The following TOX2 variants were observed in gnomAD, a reference collection of about 807,000 sequenced individuals.
The protein encoded by TOX2 is TOX high mobility group box family member 2, also known as granulosa cell HMG box 1.
A neutral mutation model predicts 47.4 loss-of-function variants in TOX2; 15 were observed. The ratio of observed to expected loss-of-function variants is 0.32; its 90% CI spans 0.21 to 0.49. The LOEUF is 0.49. TOX2 is among the 20% of genes least tolerant of loss of function. The pLI is 0.99. For missense variants in TOX2, 622 were observed against 673.1 expected, an observed-to-expected ratio of 0.92 and a Z score of 0.84; for synonymous variants, 290 against 296.6, an observed-to-expected ratio of 0.98 and a Z score of 0.23.
chr20:43,946,125 C>T (rs1401987996), intron 1 of TOX2: 5 of 1,555,726 alleles, frequency 3.2e-6, no homozygotes, highest in Admixed American at 3.6e-5. Flanking sequence ...TGGATGGGGG[C>T]AGGCAGGGAC....
chr20:43,980,776 A>G (rs185494237), intron 2 of TOX2, among the ~76,000 whole-genome samples: 2 of 152,342 alleles, frequency 1.3e-5, no homozygotes, highest in East Asian at 1.9e-4. Flanking sequence ...AGGCATTTCT[A>G]CTATTTAAAG....
At chr20:44,055,722 G>A (rs1373980658) in intron 5 of TOX2, among the ~76,000 whole-genome samples, 3 of 152,116 alleles carry the variant, frequency 2.0e-5, no homozygotes, top group African/African-American at 7.2e-5. Flanking sequence ...AGGGTCTGGA[G>A]CATCTTCCAG....
chr20:43,986,972 G>A (rs1294225769), intron 2 of TOX2, among the ~76,000 whole-genome samples: 1 of 152,130 alleles, frequency 6.6e-6, no homozygotes, highest in South Asian at 2.1e-4. Flanking sequence ...GCTAAGGTGG[G>A]ACGATCACTT....
At chr20:44,064,376 C>G (rs1285025777) in intron 5 of TOX2, among the ~76,000 whole-genome samples, 2 of 152,156 alleles carry the variant, frequency 1.3e-5, no homozygotes, top group Non-Finnish European at 2.9e-5. Flanking sequence ...TATTAGCAAA[C>G]CGAATCCAAA....
At chr20:43,951,855 A>G (rs893264473) in intron 1 of TOX2, among the ~76,000 whole-genome samples, 1 of 150,078 alleles carries the variant, frequency 6.7e-6, no homozygotes, top group African/African-American at 2.5e-5. Context: ...CTACAGGTAC[A>G]TACCACCATG....
chr20:43,933,568 G>A (rs1323113485), intron 1 of TOX2, among the ~76,000 whole-genome samples: 1 of 152,222 alleles, frequency 6.6e-6, no homozygotes, highest in Non-Finnish European at 1.5e-5. Context: ...AGCCTGAGAC[G>A]AGGGTTCTTG....
intron 1 of TOX2, among the ~76,000 whole-genome samples, chr20:43,960,890 A>AT (rs2069747067): frequency 6.6e-6 from 1 of 152,244 alleles, no homozygotes; most frequent in Non-Finnish European, 1.5e-5. Context: ...GGAACGGCCC[A>AT]GGGGCTCAGA....
In TOX2 at chr20:43,943,392, T is replaced by G. The variant is rs76571595; in HGVS notation, c.99+28402T>G. Among the ~76,000 whole-genome samples the G allele has an allele frequency of 9.8e-3, 1,493 of 152,316 alleles. 11 individuals are homozygous for G. Among genetic ancestry groups the G allele is most frequent in the Middle Eastern group, 0.017 (5 of 294 alleles). On this transcript the variant is annotated intron_variant, in intron 1 of 8. Transcript: ENST00000341197. The stretch of plus-strand genomic sequence containing the variant: ...CTGGTATCACCCAGCTTCTGCCTTT[T>G]AAAATGCCTCATTCCTTATCTGTGT...
intron 1 of TOX2, among the ~76,000 whole-genome samples, chr20:43,933,784 AGCAGCTGTGG>A (rs900012037): frequency 9.9e-5 from 15 of 152,160 alleles, no homozygotes; most frequent in South Asian, 6.2e-4. Flanking sequence ...CTCCAGAGGG[AGCAGCTGTGG>A]GCAGCTGTGG....
At chr20:44,026,431 A>G (rs968138999) in intron 3 of TOX2, among the ~76,000 whole-genome samples, 1 of 151,346 alleles carries the variant, frequency 6.6e-6, no homozygotes, top group Non-Finnish European at 1.5e-5. Flanking sequence ...GCAAAGACAT[A>G]AGAATGACTC....
intron 5 of TOX2, among the ~76,000 whole-genome samples, chr20:44,056,427 TG>T (rs1215127747): frequency 6.6e-6 from 1 of 152,130 alleles, no homozygotes; most frequent in East Asian, 1.9e-4. Context: ...TTTTGTTTGG[TG>T]GGGGGATTTC....
intron 3 of TOX2, among the ~76,000 whole-genome samples, chr20:44,037,239 C>T (rs2071255848): frequency 6.6e-6 from 1 of 152,242 alleles, no homozygotes; most frequent in Admixed American, 6.5e-5. Context: ...CAGGCATGAG[C>T]CATGGCGCCC....
At position 44,005,154 on chromosome 20, in the gene TOX2, T is replaced by A. The variant is rs76567317; in HGVS notation, c.166-1393T>A. Among the ~76,000 whole-genome samples the A allele has an allele frequency of 6.4e-3, 973 of 152,358 alleles. 10 individuals carry two copies. The highest frequency in any genetic ancestry group is 0.023 in the African/African-American group (946 of 41,594). Reference sequence around the variant, plus strand: ...TTTATATTTACCAATGCCTTTGATATGCTTCCTCTGTTCTGGAACATTCTC... The same window carrying A: ...TTTATATTTACCAATGCCTTTGATAAGCTTCCTCTGTTCTGGAACATTCTC... On this transcript the variant is annotated intron_variant, in intron 2 of 8. Coordinates refer to ENST00000341197, the MANE Select transcript of TOX2 (RefSeq NM_001098797.2).
chr20:44,043,300 A>G (rs1247569938), intron 3 of TOX2, among the ~76,000 whole-genome samples: 1 of 152,090 alleles, frequency 6.6e-6, no homozygotes, highest in African/African-American at 2.4e-5. Context: ...AAGAGCCCAT[A>G]TTGTTGTTGC....
intron 3 of TOX2, among the ~76,000 whole-genome samples, chr20:44,032,096 C>T (rs996391045): frequency 1.2e-4 from 19 of 152,048 alleles, no homozygotes; most frequent in Non-Finnish European, 2.4e-4. Flanking sequence ...GGCAGGGGAG[C>T]GGGTTGCAGT....
chr20:44,006,100 CCCTGGAAAGATCACCAGG>C (rs1440914481), intron 2 of TOX2, among the ~76,000 whole-genome samples: 1 of 152,194 alleles, frequency 6.6e-6, no homozygotes, highest in Admixed American at 6.5e-5. Context: ...GGCCTGGCTT[CCCTGGAAAGATCACCAGG>C]CCTGGAATCA....
At chr20:43,920,573 C>T (rs2069102637) in intron 1 of TOX2, among the ~76,000 whole-genome samples, 1 of 152,174 alleles carries the variant, frequency 6.6e-6, no homozygotes, top group Non-Finnish European at 1.5e-5. Context: ...AACATGCTCC[C>T]TATAGCTCCT....
At position 44,032,048 on chromosome 20, in the gene TOX2, A is replaced by C. The variant is rs886439531; in HGVS notation, c.412-19258A>C. On this transcript the variant is annotated intron_variant, in intron 3 of 8. Transcript: ENST00000341197. The stretch of plus-strand genomic sequence containing the variant: ...TTAAGTACTTTGGAAGAAAGAACAG[A>C]AGCATAATGGGATGGGGAATGCTGG... 2.6e-5 allele frequency among the ~76,000 whole-genome samples: 4 copies of C among 152,192 alleles called. 1 individual carries two copies. The South Asian group carries it at 6.2e-4, about 24-fold the overall frequency.
chr20:44,017,454 G>A (rs1369117602), intron 3 of TOX2, among the ~76,000 whole-genome samples: 1 of 152,144 alleles, frequency 6.6e-6, no homozygotes, highest in African/African-American at 2.4e-5. Flanking sequence ...CCAGGCGAGA[G>A]CTGACGTGGG....
Sources: allele counts gnomAD v4.1 joint callset (sites outside exome capture counted in the v4.1 genomes callset), GRCh38; gene constraint gnomAD v4.1.1; transcripts MANE v1.5; gene names NCBI Gene and HGNC (gene_info 2026-07-23, HGNC 2026-07-21).